SYN3: variants seen among roughly 807,000 people sequenced by gnomAD.
SYN3 encodes synapsin III.
Under a neutral mutation model 65.8 loss-of-function variants are expected in SYN3, and 35 were observed. The ratio of observed to expected loss-of-function variants is 0.53; its 90% CI spans 0.41 to 0.70. The LOEUF is 0.70. Ranked by LOEUF, SYN3 falls within the 30% of genes least tolerant of loss-of-function variation. SYN3 has a pLI of 0.00. For missense variants in SYN3, 680 were observed against 749.0 expected (o/e 0.91, Z 1.08); for synonymous variants, 270 against 292.9 (o/e 0.92, Z 0.80).
chr22:32,650,258 C>CCTCCCTCCCTCCCTCT (rs1415830907), intron 6 of SYN3, among the ~76,000 whole-genome samples: 4 of 86,264 alleles, frequency 4.6e-5, no homozygotes, highest in African/African-American at 2.4e-4. Context: ...TCCCTCCCTC[C>CCTCCCTCCCTCCCTCT]CTCTCTCTCT....
chr22:32,798,684 TC>T (rs2046487088), intron 6 of SYN3, among the ~76,000 whole-genome samples: 2 of 139,640 alleles, frequency 1.4e-5, no homozygotes, highest in Non-Finnish European at 3.1e-5. Flanking sequence ...GCATCTTCAT[TC>T]TTTTTTTTTT....
intron 6 of SYN3, among the ~76,000 whole-genome samples, chr22:32,661,571 G>A (rs1477481696): frequency 6.6e-6 from 1 of 151,944 alleles, no homozygotes; most frequent in Non-Finnish European, 1.5e-5. Context: ...GCAACAGCAG[G>A]GCTGCCCAGA....
chr22:33,010,183 G>A (rs2053315490), intron 1 of SYN3, among the ~76,000 whole-genome samples: 1 of 151,218 alleles, frequency 6.6e-6, no homozygotes, highest in East Asian at 1.9e-4. Context: ...GGTGAGCCAG[G>A]ATCGCATCAT....
chr22:32,991,761 A>C (rs573285660), intron 2 of SYN3, among the ~76,000 whole-genome samples: 6 of 152,182 alleles, frequency 3.9e-5, no homozygotes, highest in Non-Finnish European at 5.9e-5. Flanking sequence ...AGCTTAGTGC[A>C]AATCTTCAGG....
rs372334565 is a variant in SYN3 at position 32,662,036 on chromosome 22, C to G, written c.712-65300G>C. Among the ~76,000 whole-genome samples, 407 of 152,264 alleles carry G rather than the reference C, an allele frequency of 2.7e-3. 1 individual carries two copies. Among genetic ancestry groups the G allele is most frequent in the African/African-American group, 9.0e-3 (376 of 41,552 alleles). ...CCATTGTCCCTTTCCCCTTATCTAC[C>G]AGTCTAGGGAGTCTGTTTTACCCGG... On this transcript the variant is annotated intron_variant, in intron 6 of 13. Coordinates refer to ENST00000358763, the MANE Select transcript of SYN3 (RefSeq NM_003490.4).
At chr22:32,789,387 C>T (rs566262738) in intron 6 of SYN3, among the ~76,000 whole-genome samples, 3 of 152,166 alleles carry the variant, frequency 2.0e-5, no homozygotes, top group Non-Finnish European at 4.4e-5. Context: ...GGAAAGTTAC[C>T]GATCATATTC....
intron 6 of SYN3, among the ~76,000 whole-genome samples, chr22:32,597,196 A>C (rs1197031404): frequency 2.4e-5 from 3 of 124,712 alleles, no homozygotes; most frequent in Non-Finnish European, 3.4e-5. Context: ...CCTGTCTTAC[A>C]TTATTCTCTT....
chr22:32,605,745 G>A (rs774315931), intron 6 of SYN3, among the ~76,000 whole-genome samples: 7 of 152,190 alleles, frequency 4.6e-5, no homozygotes, highest in African/African-American at 1.7e-4. Context: ...CCCAGAACTG[G>A]AGCACGTGGG....
chr22:32,630,206 T>C (rs775924209), intron 6 of SYN3, among the ~76,000 whole-genome samples: 18 of 152,018 alleles, frequency 1.2e-4, no homozygotes, highest in Non-Finnish European at 2.4e-4. Context: ...ATGATCTCCA[T>C]CTCTTGACCT....
chr22:32,772,274 T>G (rs2145781186), intron 6 of SYN3, among the ~76,000 whole-genome samples: 1 of 150,734 alleles, frequency 6.6e-6, no homozygotes, highest in East Asian at 1.9e-4. Flanking sequence ...CTTTTTTTTT[T>G]TTTTCAAGAG....
At chr22:32,978,540 C>G (rs1454684878) in intron 3 of SYN3, among the ~76,000 whole-genome samples, 2 of 152,170 alleles carry the variant, frequency 1.3e-5, no homozygotes, top group Non-Finnish European at 2.9e-5. Flanking sequence ...CTTCACGCCA[C>G]CATCTCCACT....
intron 6 of SYN3, among the ~76,000 whole-genome samples, chr22:32,707,433 C>T (rs1037158468): frequency 2.0e-5 from 3 of 152,196 alleles, no homozygotes; most frequent in Non-Finnish European, 2.9e-5. Flanking sequence ...CCTTTCTTTT[C>T]CCAAATGCTC....
At chr22:32,680,540 G>A (rs1015147876) in intron 6 of SYN3, among the ~76,000 whole-genome samples, 141 of 152,288 alleles carry the variant, frequency 9.3e-4, no homozygotes, top group African/African-American at 3.1e-3. Flanking sequence ...CTCTCACACC[G>A]TTGCTTGCAC....
chr22:32,948,242 C>T (rs998757347), intron 3 of SYN3, among the ~76,000 whole-genome samples: 1 of 152,140 alleles, frequency 6.6e-6, no homozygotes, highest in Non-Finnish European at 1.5e-5. Flanking sequence ...TAACTGTAAT[C>T]ACATCTGCTA....
chr22:32,516,394 C>CA (rs2057777214), intron 13 of SYN3, among the ~76,000 whole-genome samples: 3 of 147,116 alleles, frequency 2.0e-5, no homozygotes, highest in Admixed American at 2.0e-4. Context: ...GATGGAGTCT[C>CA]ACTTTGTTGC....
At chr22:32,950,038 C>G (rs1279976448) in intron 3 of SYN3, among the ~76,000 whole-genome samples, 1 of 152,200 alleles carries the variant, frequency 6.6e-6, no homozygotes, top group Non-Finnish European at 1.5e-5. Flanking sequence ...TGATAAGATA[C>G]TGGGAATTCC....
In SYN3 at chr22:32,542,033, A is replaced by G. The variant is rs114767415; in HGVS notation, c.775-320T>C. Among the ~76,000 whole-genome samples the G allele has an allele frequency of 3.7e-3, 566 of 152,226 alleles. 1 individual carries two copies. The highest frequency in any genetic ancestry group is 0.013 in the African/African-American group (531 of 41,526). The stretch of plus-strand genomic sequence containing the variant: ...CTCCAGAGATGCACGAGGAACCCAC[A>G]GTGGGGGAAAGGGCAGGTGGCACAG... On this transcript the variant is annotated intron_variant, in intron 7 of 13. Coordinates refer to ENST00000358763, the MANE Select transcript of SYN3 (RefSeq NM_003490.4).
chr22:32,645,471 G>C (rs951219936), intron 6 of SYN3, among the ~76,000 whole-genome samples: 1 of 151,966 alleles, frequency 6.6e-6, no homozygotes, highest in Non-Finnish European at 1.5e-5. Context: ...AAAAGCTAAG[G>C]GCCCAGGAAT....
chr22:33,036,678 CTTTTTTTTTTTTTTTTTTTT>C (rs133977), intron 1 of SYN3, among the ~76,000 whole-genome samples: 3 of 99,532 alleles, frequency 3.0e-5, no homozygotes, highest in East Asian at 3.2e-4. Context: ...AGCCCAAGTT[CTTTTTTTTTTTTTTTTTTTT>C]TTTTTTTTTT....
Sources: allele counts gnomAD v4.1 joint callset (sites outside exome capture counted in the v4.1 genomes callset), GRCh38; gene constraint gnomAD v4.1.1; transcripts MANE v1.5; gene names NCBI Gene and HGNC (gene_info 2026-07-23, HGNC 2026-07-21).